The following HEMK2 variants were observed in gnomAD, a reference collection of about 807,000 sequenced individuals.
HEMK2 encodes HemK methyltransferase 2, ETF1 glutamine and histone H4 lysine.
the HEMK2 span, among the ~76,000 whole-genome samples, chr21:28,620,634 G>C: frequency 9.3e-6 from 1 of 107,546 alleles, no homozygotes; most frequent in East Asian, 2.8e-4. Flanking sequence ...ATTTTTTATT[G>C]TGCCTATGTG....
At chr21:28,680,089 T>A in the HEMK2 span, among the ~76,000 whole-genome samples, 1 of 152,154 alleles carries the variant, frequency 6.6e-6, no homozygotes, top group African/African-American at 2.4e-5. Context: ...AAAAAACCCT[T>A]TAAAAAATCA....
chr21:28,864,757 G>C, the HEMK2 span, among the ~76,000 whole-genome samples: 1 of 151,546 alleles, frequency 6.6e-6, no homozygotes, highest in Non-Finnish European at 1.5e-5. Context: ...TATTCTCTCA[G>C]CTGCCCAAGT....
chr21:28,599,952 C>T, the HEMK2 span, among the ~76,000 whole-genome samples: 1 of 152,210 alleles, frequency 6.6e-6, no homozygotes, highest in Non-Finnish European at 1.5e-5. Context: ...CATGCTGATA[C>T]AAGAGGTGGG....
the HEMK2 span, among the ~76,000 whole-genome samples, chr21:28,699,616 G>T: frequency 1.3e-5 from 2 of 152,160 alleles, no homozygotes; most frequent in Non-Finnish European, 2.9e-5. Context: ...ACTTTAGTTC[G>T]ATTTAAGATT....
At chr21:28,611,790 C>A in the HEMK2 span, among the ~76,000 whole-genome samples, 2 of 151,756 alleles carry the variant, frequency 1.3e-5, no homozygotes, top group Non-Finnish European at 2.9e-5. Context: ...CACCTGTAGT[C>A]CCAGCTACTC....
the HEMK2 span, among the ~76,000 whole-genome samples, chr21:28,738,229 T>C: frequency 2.0e-5 from 3 of 152,232 alleles, no homozygotes; most frequent in Non-Finnish European, 4.4e-5. Context: ...GCTGGTGTTC[T>C]GTATTATTTC....
the HEMK2 span, among the ~76,000 whole-genome samples, chr21:28,789,284 T>C: frequency 6.6e-6 from 1 of 152,000 alleles, no homozygotes; most frequent in East Asian, 1.9e-4. Flanking sequence ...TTTCTATAGG[T>C]TTGAGGATGT....
chr21:28,800,967 A>G, the HEMK2 span, among the ~76,000 whole-genome samples: 1 of 152,244 alleles, frequency 6.6e-6, no homozygotes, highest in Admixed American at 6.5e-5. Context: ...ATGAAGCAGC[A>G]TCGTGAGAAC....
At chr21:28,576,480 A>C in the HEMK2 span, among the ~76,000 whole-genome samples, 1 of 151,644 alleles carries the variant, frequency 6.6e-6, no homozygotes, top group Non-Finnish European at 1.5e-5. Context: ...AACACAAGTT[A>C]TTTGCCAGAT....
the HEMK2 span, among the ~76,000 whole-genome samples, chr21:28,721,814 G>A: frequency 6.7e-6 from 1 of 149,926 alleles, no homozygotes; most frequent in African/African-American, 2.5e-5. Flanking sequence ...AAAAACTGAG[G>A]CAAAGAAAAG....
the HEMK2 span, among the ~76,000 whole-genome samples, chr21:28,761,229 C>T: frequency 1.3e-5 from 2 of 151,918 alleles, no homozygotes; most frequent in South Asian, 4.2e-4. Flanking sequence ...TATAAATGGG[C>T]ACCATATTTG....
At chr21:28,774,030 G>A in the HEMK2 span, among the ~76,000 whole-genome samples, 1 of 152,096 alleles carries the variant, frequency 6.6e-6, no homozygotes, top group Non-Finnish European at 1.5e-5. Context: ...AACACTGGCT[G>A]GAAACCCAGA....
At chr21:28,639,314 T>C in the HEMK2 span, among the ~76,000 whole-genome samples, 19 of 152,320 alleles carry the variant, frequency 1.2e-4, no homozygotes, top group Non-Finnish European at 2.1e-4. Context: ...CAATGGCCAA[T>C]CCTTATGCAA....
the HEMK2 span, among the ~76,000 whole-genome samples, chr21:28,653,682 T>C: frequency 6.6e-6 from 1 of 152,138 alleles, no homozygotes; most frequent in Non-Finnish European, 1.5e-5. Flanking sequence ...CAAGAATAAA[T>C]AAATGAAAGC....
the HEMK2 span, among the ~76,000 whole-genome samples, chr21:28,601,402 G>C: frequency 6.6e-6 from 1 of 152,064 alleles, no homozygotes; most frequent in Admixed American, 6.5e-5. Flanking sequence ...CTCTCTTCTT[G>C]GAACATTAGT....
chr21:28,829,454 C>T, the HEMK2 span, among the ~76,000 whole-genome samples: 1 of 152,162 alleles, frequency 6.6e-6, no homozygotes, highest in Admixed American at 6.5e-5. Flanking sequence ...TTTCCTCTCT[C>T]CCATCCTCTT....
chr21:28,632,876 G>A, the HEMK2 span, among the ~76,000 whole-genome samples: 1 of 152,174 alleles, frequency 6.6e-6, no homozygotes, highest in Non-Finnish European at 1.5e-5. Flanking sequence ...GGAGTTTGAC[G>A]GTGGGATGAG....
At chr21:28,756,433 T>C in the HEMK2 span, among the ~76,000 whole-genome samples, 7 of 152,216 alleles carry the variant, frequency 4.6e-5, no homozygotes, top group African/African-American at 1.7e-4. Flanking sequence ...TCATTCCATG[T>C]AGAAAATGAT....
At chr21:28,638,999 G>A in the HEMK2 span, among the ~76,000 whole-genome samples, 134 of 152,278 alleles carry the variant, frequency 8.8e-4, no homozygotes, top group African/African-American at 2.9e-3. Context: ...GGAATGGCTC[G>A]CTTTTATGGG....
Sources: gnomAD v4.1 joint callset for allele counts (sites outside exome capture counted in the v4.1 genomes callset) on GRCh38, gnomAD v4.1.1 for gene constraint, MANE v1.5 for transcripts, NCBI Gene and HGNC (gene_info 2026-07-23, HGNC 2026-07-21) for gene names.